Variants in XPOT observed in about 807,000 individuals in gnomAD.
The protein encoded by XPOT is exportin for tRNA, also known as exportin-T.
A neutral mutation model predicts 128.2 loss-of-function variants in XPOT; 34 were observed. The observed-to-expected ratio is 0.27, with a 90% CI of 0.20 to 0.35. The LOEUF is 0.35. Among genes scored for constraint, XPOT ranks in the 10% least tolerant of loss-of-function variants. The pLI, the probability that XPOT is intolerant of heterozygous loss-of-function variation, is 1.00. For synonymous variants in XPOT, 348 were observed against 394.3 expected (o/e 0.88, Z 1.39); for missense variants, 838 against 1,125.3 (o/e 0.74, Z 3.65).
rs779763170 is a variant in XPOT at position 64,428,097 on chromosome 12, G to A, written c.1714G>A (p.Asp572Asn). The A allele has an allele frequency of 6.3e-7, 1 of 1,575,012 alleles. No individual in the cohort carries two copies. ...TGAGGATATTTTGAATAGAATACAA[G>A]ATTTATTAGAGCTTTCTCCACCTGT... ...FIEDILNRIQ[D>N]LLELSPPENG... Residue 572 changes from aspartate to asparagine, a missense_variant, in exon 16 of 25, where the codon GAT (aspartate) becomes AAT (asparagine). This residue lies in a region of XPOT where 761 missense variants were observed against 988.3 expected (regional missense o/e 0.77). Coordinates refer to ENST00000332707, the MANE Select transcript of XPOT (RefSeq NM_007235.6).
chr12:64,427,405 G>A (rs1347522210), intron 15 of XPOT, among the ~76,000 whole-genome samples: 2 of 152,090 alleles, frequency 1.3e-5, no homozygotes, highest in African/African-American at 4.8e-5. Context: ...ACAGGCATGA[G>A]CCACCGCGCC....
intron 21 of XPOT, among the ~76,000 whole-genome samples, chr12:64,435,351 A>G (rs1163945754): frequency 1.3e-5 from 2 of 152,174 alleles, no homozygotes; most frequent in Non-Finnish European, 2.9e-5. Context: ...CCGCTTTCTC[A>G]CTTTCCCACA....
chr12:64,444,494 CAT>C (rs957285389), intron 23 of XPOT, among the ~76,000 whole-genome samples: 2 of 152,094 alleles, frequency 1.3e-5, no homozygotes, highest in Non-Finnish European at 2.9e-5. Flanking sequence ...ATAATCCTGT[CAT>C]ATGCTATAAT....
chr12:64,405,805 A>G (rs12322224), intron 1 of XPOT, among the ~76,000 whole-genome samples: 24,095 of 152,036 alleles, frequency 0.16, 1,964 homozygotes, highest in Middle Eastern at 0.26. Flanking sequence ...TTTCGTAGAG[A>G]TGGAGTTTCA....
chr12:64,406,506 T>C (rs2039984609), intron 1 of XPOT, among the ~76,000 whole-genome samples: 1 of 152,090 alleles, frequency 6.6e-6, no homozygotes, highest in South Asian at 2.1e-4. Flanking sequence ...ATAGCTGGGA[T>C]TGCAGGCATG....
intron 22 of XPOT, among the ~76,000 whole-genome samples, chr12:64,436,125 T>C (rs764695054): frequency 6.4e-4 from 98 of 152,052 alleles, no homozygotes; most frequent in Non-Finnish European, 9.4e-4. Context: ...CCCGGCTGAT[T>C]TTTATATTGT....
intron 23 of XPOT, among the ~76,000 whole-genome samples, chr12:64,444,613 C>A (rs1326934188): frequency 6.6e-6 from 1 of 152,050 alleles, no homozygotes; most frequent in Non-Finnish European, 1.5e-5. Flanking sequence ...CTCACCAAAG[C>A]AGAAAGTGGT....
chr12:64,429,841 G>A (rs1156630642), intron 16 of XPOT, among the ~76,000 whole-genome samples: 1 of 152,152 alleles, frequency 6.6e-6, no homozygotes, highest in Non-Finnish European at 1.5e-5. Flanking sequence ...ATAGAGTCTT[G>A]TCAGGGCTGG....
At chr12:64,416,911 T>G (rs923982350) in intron 4 of XPOT, among the ~76,000 whole-genome samples, 157 bp downstream of exon 4, 1 of 152,150 alleles carries the variant, frequency 6.6e-6, no homozygotes, top group Non-Finnish European at 1.5e-5. Context: ...TACCCCAAAG[T>G]GTTTTAAAAG....
At chr12:64,411,849 G>A (rs930046201) in intron 2 of XPOT, among the ~76,000 whole-genome samples, 1 of 152,004 alleles carries the variant, frequency 6.6e-6, no homozygotes, top group Non-Finnish European at 1.5e-5. Flanking sequence ...TCAACCATTA[G>A]AAAAAAGGTA....
intron 23 of XPOT, among the ~76,000 whole-genome samples, chr12:64,440,647 A>G (rs1212020551): frequency 6.6e-6 from 1 of 152,134 alleles, no homozygotes; most frequent in Non-Finnish European, 1.5e-5. Context: ...TTTTTGTAAT[A>G]GCCATTCTAA....
intron 22 of XPOT, among the ~76,000 whole-genome samples, chr12:64,436,998 T>C (rs2040287919): frequency 6.6e-6 from 1 of 152,216 alleles, no homozygotes; most frequent in South Asian, 2.1e-4. Context: ...AGGACTGTTA[T>C]TGCCACATAG....
chr12:64,434,454 TG>T, intron 19 of XPOT, 52 bp from the exon 20 acceptor site: 4 of 1,241,928 alleles, frequency 3.2e-6, no homozygotes, highest in Non-Finnish European at 4.7e-6. Context: ...AACTTCAGGT[TG>T]CTTTCCTAGT....
intron 2 of XPOT, among the ~76,000 whole-genome samples, chr12:64,412,851 T>G (rs745851287): frequency 5.3e-5 from 8 of 152,160 alleles, no homozygotes; most frequent in African/African-American, 1.9e-4. Context: ...AACAGTTGAC[T>G]TTCTTGTGCT....
chr12:64,433,488 A>C lies in XPOT; in HGVS notation c.2337A>C (p.Pro779=). 1 of 1,611,240 alleles carries C rather than the reference A, an allele frequency of 6.2e-7. No homozygotes were observed. The highest frequency in any genetic ancestry group is 8.5e-7 in the Non-Finnish European group (1 of 1,178,366). Residue 779 remains proline (P), a synonymous_variant, in exon 19 of 25, where the codon CCA becomes CCC. Coordinates refer to ENST00000332707, the MANE Select transcript of XPOT (RefSeq NM_007235.6). ...CAATTTTTGAAGTGCTGCTCCGGCC[A>C]GCAGAAGAAAATGACCAGTCTGCTG... ...LHAIFEVLLR[P]AEENDQSAAL...
chr12:64,408,713 C>T (rs2040006542), intron 1 of XPOT, among the ~76,000 whole-genome samples: 1 of 151,552 alleles, frequency 6.6e-6, no homozygotes, highest in African/African-American at 2.4e-5. Context: ...TCACTCTGTT[C>T]TCCAGGCTGG....
intron 15 of XPOT, among the ~76,000 whole-genome samples, chr12:64,426,308 A>G (rs1030962798): frequency 6.6e-6 from 1 of 151,530 alleles, no homozygotes; most frequent in Non-Finnish European, 1.5e-5. Flanking sequence ...CAAAAAAAAA[A>G]AAAAAGAAAA....
chr12:64,449,464 A>T lies in XPOT; in HGVS notation c.*1333A>T, dbSNP rs1400436314. On this transcript the variant is annotated 3_prime_UTR_variant, in exon 25 of 25. Coordinates refer to ENST00000332707, the MANE Select transcript of XPOT (RefSeq NM_007235.6). Reference sequence around the variant, plus strand: ...AAACTGAGCAGCAGAATTCGTATAGACATTTACGTTTAAATTCTAAAAGCC... The same window carrying T: ...AAACTGAGCAGCAGAATTCGTATAGTCATTTACGTTTAAATTCTAAAAGCC... 1 of 152,218 alleles carries T rather than the reference A, an allele frequency of 6.6e-6. No homozygotes were observed. Among genetic ancestry groups the T allele is most frequent in the Non-Finnish European group, 1.5e-5 (1 of 68,036 alleles). 9.4% of individuals were successfully genotyped at this position (152,218 alleles called of 1,614,324 possible).
intron 15 of XPOT, among the ~76,000 whole-genome samples, chr12:64,426,890 G>A (rs1385017912): frequency 6.6e-6 from 1 of 152,026 alleles, no homozygotes; most frequent in Non-Finnish European, 1.5e-5. Context: ...GGCTGAGGCA[G>A]GAGAATCACT....
Sources: gnomAD v4.1 joint callset for allele counts (sites outside exome capture counted in the v4.1 genomes callset) on GRCh38, gnomAD v4.1.1 for gene constraint, gnomAD v4.1.1 regional missense constraint, MANE v1.5 for transcripts, NCBI Gene and HGNC (gene_info 2026-07-23, HGNC 2026-07-21) for gene names.